Variants in CNTN4 observed in about 807,000 individuals in gnomAD.
CNTN4 encodes contactin-4.
CNTN4 carries 77 observed loss-of-function variants against 122.5 expected under a neutral mutation model. The observed-to-expected ratio is 0.63, with a 90% confidence interval of 0.52 to 0.76. The LOEUF is 0.76. Ranked by LOEUF, CNTN4 falls within the 30% of genes least tolerant of loss-of-function variation. CNTN4 has a pLI of 0.00. For synonymous variants in CNTN4, 512 were observed against 447.0 expected, an observed-to-expected ratio of 1.15 and a Z score of -1.83; for missense variants, 1,256 against 1,259.1, an observed-to-expected ratio of 1.00 and a Z score of 0.04.
chr3:2,958,292 A>G (rs1013706305), intron 13 of CNTN4, among the ~76,000 whole-genome samples: 1 of 152,112 alleles, frequency 6.6e-6, no homozygotes, highest in Non-Finnish European at 1.5e-5. Flanking sequence ...ATAAGTGAGC[A>G]CCCCATTTTA....
At chr3:2,294,428 T>G (rs113474094) in intron 2 of CNTN4, among the ~76,000 whole-genome samples, 4,864 of 152,078 alleles carry the variant, frequency 0.032, 256 homozygotes, top group African/African-American at 0.11. Flanking sequence ...CTGTGAAGTT[T>G]GAGTCCAGCC....
chr3:2,819,339 T>A, intron 6 of CNTN4, 147 bp from the exon 7 acceptor site: 1 of 682,202 alleles, frequency 1.5e-6, no homozygotes, highest in Non-Finnish European at 2.7e-6. Context: ...CAATGTCATA[T>A]GAAAAGAAGC....
intron 4 of CNTN4, among the ~76,000 whole-genome samples, chr3:2,631,532 C>A (rs925744169): frequency 3.3e-5 from 5 of 152,140 alleles, no homozygotes; most frequent in Non-Finnish European, 5.9e-5. Flanking sequence ...GTCATGTCCA[C>A]CATCTGGTTC....
At chr3:2,750,688 A>C (rs1305381418) in intron 6 of CNTN4, among the ~76,000 whole-genome samples, 1 of 152,164 alleles carries the variant, frequency 6.6e-6, no homozygotes, top group African/African-American at 2.4e-5. Flanking sequence ...TTAGCCTACT[A>C]CCATACCCTT....
chr3:2,703,994 A>G (rs979058859), intron 4 of CNTN4, among the ~76,000 whole-genome samples: 2 of 152,084 alleles, frequency 1.3e-5, no homozygotes, highest in African/African-American at 4.8e-5. Context: ...GCTTCTTTCC[A>G]AGATTAAGTT....
At chr3:2,992,202 C>A (rs1166178412) in intron 14 of CNTN4, among the ~76,000 whole-genome samples, 4 of 152,180 alleles carry the variant, frequency 2.6e-5, no homozygotes, top group Non-Finnish European at 5.9e-5. Context: ...TCAGATTCTG[C>A]ATGAGCAGGC....
intron 6 of CNTN4, among the ~76,000 whole-genome samples, chr3:2,792,085 A>G (rs998952797): frequency 6.6e-6 from 1 of 152,296 alleles, no homozygotes; most frequent in South Asian, 2.1e-4. Context: ...AAAATAAATT[A>G]ATTAATTTTA....
rs750597799 is a variant in CNTN4 at position 2,274,489 on chromosome 3, C to T, written c.-144-64689C>T. Reference sequence around the variant, plus strand: ...GGATCTATGTTTGTTTTCTTTTCACCAAAACTAAAGAAACACTGTTCCTTA... The same window carrying T: ...GGATCTATGTTTGTTTTCTTTTCACTAAAACTAAAGAAACACTGTTCCTTA... On this transcript the variant is annotated intron_variant, in intron 2 of 24. Transcript: ENST00000418658. Among the ~76,000 whole-genome samples, 3 of 150,134 alleles carry T rather than the reference C, an allele frequency of 2.0e-5. No homozygotes were observed. In the South Asian group the frequency reaches 6.4e-4, roughly 32 times the overall value.
chr3:2,244,127 A>G (rs1308354286), intron 2 of CNTN4, among the ~76,000 whole-genome samples: 3 of 152,054 alleles, frequency 2.0e-5, no homozygotes, highest in Non-Finnish European at 4.4e-5. Context: ...ATACATACCT[A>G]TGATAAAGTT....
At chr3:3,008,993 C>T (rs952395526) in intron 14 of CNTN4, 13 of 985,160 alleles carry the variant, frequency 1.3e-5, no homozygotes, top group African/African-American at 7.0e-5. Flanking sequence ...GAATCACCAG[C>T]GTCTTTCTTG....
intron 6 of CNTN4, among the ~76,000 whole-genome samples, chr3:2,756,152 G>T (rs2090327647): frequency 6.6e-6 from 1 of 152,158 alleles, no homozygotes; most frequent in South Asian, 2.1e-4. Context: ...TTCACTTGTG[G>T]TTAAGTCAGA....
intron 2 of CNTN4, among the ~76,000 whole-genome samples, chr3:2,297,803 C>T (rs113966962): frequency 2.0e-5 from 3 of 152,160 alleles, no homozygotes; most frequent in Non-Finnish European, 2.9e-5. Flanking sequence ...AATCACAGCT[C>T]ACTGCAGCCT....
chr3:2,180,864 GTC>G (rs2036983446), intron 2 of CNTN4, among the ~76,000 whole-genome samples: 1 of 152,054 alleles, frequency 6.6e-6, no homozygotes. Context: ...GATTGACAGA[GTC>G]TGTAAGACAA....
At chr3:2,677,482 A>ATATC (rs68070708) in intron 4 of CNTN4, among the ~76,000 whole-genome samples, 21,430 of 122,910 alleles carry the variant, frequency 0.17, 3,602 homozygotes, top group Admixed American at 0.24. Flanking sequence ...CTATCCATCT[A>ATATC]TATCTATCTA....
At chr3:2,130,042 C>A (rs537093448) in intron 2 of CNTN4, among the ~76,000 whole-genome samples, 43 of 152,128 alleles carry the variant, frequency 2.8e-4, no homozygotes, top group African/African-American at 9.9e-4. Context: ...ATGTAAATAA[C>A]TAGTGGTAAA....
chr3:2,980,988 A>G (rs890274356), intron 13 of CNTN4, among the ~76,000 whole-genome samples: 5 of 152,184 alleles, frequency 3.3e-5, no homozygotes, highest in Non-Finnish European at 7.3e-5. Context: ...CGATGGAGCC[A>G]CTATTTTAAA....
intron 13 of CNTN4, among the ~76,000 whole-genome samples, chr3:2,938,301 C>G (rs1208855661): frequency 6.6e-6 from 1 of 151,964 alleles, no homozygotes; most frequent in Non-Finnish European, 1.5e-5. Flanking sequence ...TTCAACCCCC[C>G]ATCTGTCAAT....
chr3:2,382,803 G>T (rs1411509970), intron 3 of CNTN4, among the ~76,000 whole-genome samples: 1 of 152,176 alleles, frequency 6.6e-6, no homozygotes, highest in East Asian at 1.9e-4. Flanking sequence ...GCCAGGCCTG[G>T]TGGCTCATGC....
chr3:2,761,116 T>C (rs2063897), intron 6 of CNTN4, among the ~76,000 whole-genome samples: 65,304 of 152,020 alleles, frequency 0.43, 15,739 homozygotes, highest in Non-Finnish European at 0.56. Flanking sequence ...AAGGCCCACC[T>C]TGTACTCGTT....
Sources: gnomAD v4.1 joint callset for allele counts (sites outside exome capture counted in the v4.1 genomes callset) on GRCh38, gnomAD v4.1.1 for gene constraint, MANE v1.5 for transcripts, NCBI Gene and HGNC (gene_info 2026-07-23, HGNC 2026-07-21) for gene names.